The following RELN variants were observed in gnomAD, a reference collection of about 807,000 sequenced individuals.
The protein encoded by RELN is reelin.
RELN carries 108 observed loss-of-function variants against 427.6 expected under a neutral mutation model. The ratio of observed to expected loss-of-function variants is 0.25; its 90% confidence interval spans 0.22 to 0.30. The LOEUF is 0.30. RELN is among the 10% of genes least tolerant of loss of function. The pLI is 1.00. For missense variants in RELN, 3,715 were observed against 4,302.8 expected (o/e 0.86, Z 3.82); for synonymous variants, 1,524 against 1,513.4 (o/e 1.01, Z -0.16).
chr7:103,802,271 G>C (rs1316901515), intron 3 of RELN, among the ~76,000 whole-genome samples: 1 of 152,100 alleles, frequency 6.6e-6, no homozygotes, highest in Non-Finnish European at 1.5e-5. Context: ...AAATGATCAA[G>C]TGCTAAAGTT....
intron 25 of RELN, among the ~76,000 whole-genome samples, chr7:103,595,680 AG>A (rs1368090203): frequency 3.9e-5 from 6 of 152,130 alleles, no homozygotes. Context: ...AAAACTTAAT[AG>A]TAGTCAACAT....
At chr7:103,731,756 C>T (rs529370099) in intron 6 of RELN, among the ~76,000 whole-genome samples, 4 of 152,056 alleles carry the variant, frequency 2.6e-5, no homozygotes, top group Non-Finnish European at 5.9e-5. Flanking sequence ...AAAGTGGACA[C>T]CTTCCACTGC....
At chr7:103,744,171 A>C (rs918737977) in intron 6 of RELN, among the ~76,000 whole-genome samples, 634 of 152,190 alleles carry the variant, frequency 4.2e-3, no homozygotes, top group Non-Finnish European at 5.4e-3. Flanking sequence ...CTACTGGGTA[A>C]ATAATGAAAT....
intron 1 of RELN, among the ~76,000 whole-genome samples, chr7:103,973,855 A>G (rs1165500098): frequency 2.0e-5 from 3 of 152,200 alleles, no homozygotes; most frequent in Non-Finnish European, 2.9e-5. Flanking sequence ...AATAATAATA[A>G]TACTCAGCCA....
At chr7:103,772,799 G>C (rs1313931079) in intron 4 of RELN, among the ~76,000 whole-genome samples, 2 of 152,174 alleles carry the variant, frequency 1.3e-5, no homozygotes, top group Non-Finnish European at 2.9e-5. Flanking sequence ...CGAGGTAGGA[G>C]AGGCAAACTG....
chr7:103,602,548 G>C (rs1356044901), intron 24 of RELN, among the ~76,000 whole-genome samples: 1 of 152,090 alleles, frequency 6.6e-6, no homozygotes, highest in Admixed American at 6.6e-5. Flanking sequence ...GGATGAAGTT[G>C]GAAGCCATTA....
Position 103,494,365 on chromosome 7 carries a change from T to TTGTG in RELN, c.9369+1354_9369+1357dup, listed in dbSNP as rs58533286. On this transcript the variant is annotated intron_variant, in intron 57 of 64. Transcript: ENST00000428762. ...ATACAATACATTTCTGTAATGACTT[T>TTGTG]TGTGTGTGTGTGTGTGTGTGTGTGT... 1.8e-3 allele frequency among the ~76,000 whole-genome samples: 218 copies of TTGTG among 118,300 alleles called. 2 individuals are homozygous for TTGTG. Among genetic ancestry groups the TTGTG allele is most frequent in the Middle Eastern group, 7.6e-3 (2 of 264 alleles). 77.6% of individuals were successfully genotyped at this position (118,300 alleles called of 152,430 possible).
chr7:103,859,357 G>C (rs761228824), intron 2 of RELN, among the ~76,000 whole-genome samples: 6 of 152,014 alleles, frequency 3.9e-5, no homozygotes, highest in African/African-American at 1.2e-4. Context: ...GCAGTGGTGC[G>C]ATCTCTGCTC....
intron 2 of RELN, among the ~76,000 whole-genome samples, chr7:103,901,214 T>C (rs935161375): frequency 1.3e-5 from 2 of 151,976 alleles, no homozygotes; most frequent in Admixed American, 6.6e-5. Flanking sequence ...TACCACTTCA[T>C]GTCTATGAAG....
At chr7:103,737,395 T>C (rs535581809) in intron 6 of RELN, among the ~76,000 whole-genome samples, 1 of 152,354 alleles carries the variant, frequency 6.6e-6, no homozygotes, top group African/African-American at 2.4e-5. Flanking sequence ...TCTGATTACC[T>C]AGAAAATCCA....
intron 10 of RELN, among the ~76,000 whole-genome samples, chr7:103,683,820 T>G (rs1257653180): frequency 6.6e-6 from 1 of 152,158 alleles, no homozygotes; most frequent in Non-Finnish European, 1.5e-5. Context: ...GCAGCCATCC[T>G]TCAGTGGGAG....
In RELN at chr7:103,661,498, G is replaced by T; in HGVS notation, c.1319C>A (p.Thr440Lys). Residue 440 changes from threonine to lysine, a missense_variant, in exon 12 of 65, where the codon ACA becomes AAA. Thr to Lys is a moderately conservative substitution (Grantham distance 78). Transcript: ENST00000428762. ...GWDVLGAVIG[T>K]ECGTIESGLS... ...GCCTGATTCTATCGTTCCACATTCT[G>T]TACCAATGACAGCTCCCAAGACATC... 6.2e-7 allele frequency: 1 copy of T among 1,613,528 alleles called. No homozygotes were observed. The highest frequency in any genetic ancestry group is 1.1e-5 in the South Asian group (1 of 91,072).
intron 4 of RELN, among the ~76,000 whole-genome samples, chr7:103,763,883 A>G (rs1791362915): frequency 6.6e-6 from 1 of 152,076 alleles, no homozygotes. Flanking sequence ...TCAATGTGTG[A>G]AAGGCCTGAA....
chr7:103,715,040 A>C (rs902646892), intron 8 of RELN, among the ~76,000 whole-genome samples: 1 of 152,244 alleles, frequency 6.6e-6, no homozygotes, highest in African/African-American at 2.4e-5. Flanking sequence ...CAAATTATCA[A>C]TTAAACAATT....
At chr7:103,749,795 G>T (rs1388235005) in intron 5 of RELN, among the ~76,000 whole-genome samples, 1 of 152,180 alleles carries the variant, frequency 6.6e-6, no homozygotes, top group Non-Finnish European at 1.5e-5. Flanking sequence ...AACCTACAAG[G>T]AGAGGCTATT....
chr7:103,800,721 T>C (rs1281695933), intron 3 of RELN, among the ~76,000 whole-genome samples: 1 of 152,110 alleles, frequency 6.6e-6, no homozygotes, highest in Non-Finnish European at 1.5e-5. Flanking sequence ...AAAGCCAAAA[T>C]TGACAAATGG....
chr7:103,739,854 C>G (rs1457630119), intron 6 of RELN, among the ~76,000 whole-genome samples: 1 of 152,102 alleles, frequency 6.6e-6, no homozygotes, highest in Non-Finnish European at 1.5e-5. Flanking sequence ...CAATTGCACA[C>G]CAGAGTACAG....
At chr7:103,609,922 C>T (rs138499191) in intron 22 of RELN, among the ~76,000 whole-genome samples, 132 of 152,138 alleles carry the variant, frequency 8.7e-4, no homozygotes, top group African/African-American at 3.1e-3. Flanking sequence ...GTAATTAAAC[C>T]TTTTCATTAT....
chr7:103,919,958 A>G (rs970253356), intron 1 of RELN, among the ~76,000 whole-genome samples: 2 of 152,196 alleles, frequency 1.3e-5, no homozygotes, highest in African/African-American at 4.8e-5. Flanking sequence ...CAGGTCACCA[A>G]TTTGGCCCAT....
Sources: allele counts gnomAD v4.1 joint callset (sites outside exome capture counted in the v4.1 genomes callset), GRCh38; gene constraint gnomAD v4.1.1; transcripts MANE v1.5; gene names NCBI Gene and HGNC (gene_info 2026-07-23, HGNC 2026-07-21).